CARMIL3: variants seen among roughly 807,000 people sequenced by gnomAD.
The protein encoded by CARMIL3 is capping protein regulator and myosin 1 linker 3.
Under a neutral mutation model 180.8 loss-of-function variants are expected in CARMIL3, and 88 were observed. The observed-to-expected ratio is 0.49, with a 90% CI of 0.41 to 0.58. CARMIL3 has a LOEUF of 0.58. Among genes scored for constraint, CARMIL3 ranks in the 20% least tolerant of loss-of-function variants. The pLI, the probability that CARMIL3 is intolerant of heterozygous loss-of-function variation, is 0.00. For missense variants in CARMIL3, 1,548 were observed against 1,787.0 expected (o/e 0.87, Z 2.41); for synonymous variants, 696 against 714.5 (o/e 0.97, Z 0.41).
intron 10 of CARMIL3, 115 bp from the exon 11 acceptor site, chr14:24,056,184 G>C: frequency 1.3e-6 from 1 of 788,694 alleles, no homozygotes; most frequent in Non-Finnish European, 2.1e-6. Flanking sequence ...CCCCTGTTGT[G>C]GGGGCCTCTG....
chr14:24,053,933 G>A (rs1671300305), intron 2 of CARMIL3, 130 bp downstream of exon 2: 1 of 1,145,554 alleles, frequency 8.7e-7, no homozygotes, highest in Non-Finnish European at 1.2e-6. Context: ...CCTGGGGGGA[G>A]GAGGCAGGGC....
chr14:24,064,834 G>A, intron 32 of CARMIL3, 124 bp from the exon 33 acceptor site: 1 of 997,086 alleles, frequency 1.0e-6, no homozygotes, highest in East Asian at 2.5e-5. Flanking sequence ...TCATCTCCCT[G>A]AGAACTAAGT....
chr14:24,052,139 G>T lies in CARMIL3; in HGVS notation c.-15G>T. The T allele has an allele frequency of 6.4e-7, 1 of 1,572,926 alleles. No homozygotes were observed. ...CGGCGGCTCCTCTGCAGCAGCCTCA[G>T]CAGCAGCGGCCGCCATGGCCAAGCC... On this transcript the variant is annotated 5_prime_UTR_variant, in exon 1 of 40. Coordinates refer to ENST00000342740, the MANE Select transcript of CARMIL3 (RefSeq NM_138360.4).
In CARMIL3 at chr14:24,061,459, C is replaced by T; in HGVS notation, c.2305-38C>T. 1.3e-6 allele frequency: 2 copies of T among 1,591,548 alleles called. No homozygotes were observed. The highest frequency in any genetic ancestry group is 1.7e-6 in the Non-Finnish European group (2 of 1,166,728). ...GCTGTGGTGCCAGCCCTGATCCTGT[C>T]CCCCTTGGGCCTCTGGCCTCCCTTT... On this transcript the variant is annotated intron_variant, in intron 26 of 39. Transcript: ENST00000342740. The surrounding 1 kb of genome is among the most constrained non-coding windows in gnomAD (Gnocchi z 4.1).
chr14:24,065,957 CT>C (rs2035783048), intron 34 of CARMIL3, among the ~76,000 whole-genome samples: 2 of 152,160 alleles, frequency 1.3e-5, no homozygotes, highest in Admixed American at 1.3e-4. Flanking sequence ...TCCTTCTTTA[CT>C]GTAAAATGAG....
At position 24,056,288 on chromosome 14, in the gene CARMIL3, C is replaced by G. The variant is rs774145517; in HGVS notation, c.771-11C>G. On this transcript the variant is annotated splice_polypyrimidine_tract_variant and intron_variant, in intron 10 of 39. Transcript: ENST00000342740. ...CAGCTCAGGACAAATCCTTCCTCCCCTTCCCTGAAGGGACTTTGTCCAGAA... is the reference window on the plus strand; with the variant it reads ...CAGCTCAGGACAAATCCTTCCTCCCGTTCCCTGAAGGGACTTTGTCCAGAA... The G allele has an allele frequency of 5.0e-5, 80 of 1,611,460 alleles. No individual in the cohort carries two copies. The highest frequency in any genetic ancestry group is 6.8e-5 in the Non-Finnish European group (80 of 1,178,142).
At chr14:24,060,594 G>T in intron 24 of CARMIL3, 34 bp from the exon 25 acceptor site, 1 of 1,609,222 alleles carries the variant, frequency 6.2e-7, no homozygotes, top group Non-Finnish European at 8.5e-7. Context: ...GTGGAAGCAG[G>T]GGTCCCCTTG....
intron 39 of CARMIL3, 30 bp downstream of exon 39, chr14:24,069,277 T>A (rs1351187734): frequency 1.2e-6 from 2 of 1,612,232 alleles, no homozygotes; most frequent in Non-Finnish European, 1.7e-6. Flanking sequence ...AGGTCCCCCC[T>A]TCCCACCTAT....
At chr14:24,066,717 GA>G (rs1373571338) in intron 36 of CARMIL3, 61 bp downstream of exon 36, 6 of 1,558,318 alleles carry the variant, frequency 3.9e-6, no homozygotes, top group Non-Finnish European at 3.5e-6. Flanking sequence ...CAAAGAAACA[GA>G]AGCCCATGGC....
At position 24,053,815 on chromosome 14, in the gene CARMIL3, G is replaced by A; in HGVS notation, c.135+12G>A. The A allele has an allele frequency of 6.2e-7, 1 of 1,603,310 alleles. No individual in the cohort carries two copies. The highest frequency in any genetic ancestry group is 8.5e-7 in the Non-Finnish European group (1 of 1,173,402). On this transcript the variant is annotated intron_variant, in intron 2 of 39. Transcript: ENST00000342740. ...AGGACCGAGTGCTGGTGAGGGCACT[G>A]GGCATGTGGGGAGGGAGGAGGTGGC...
At chr14:24,064,106 A>G (rs570888842) in intron 31 of CARMIL3, 140 bp from the exon 32 acceptor site, 46 of 599,058 alleles carry the variant, frequency 7.7e-5, no homozygotes, top group East Asian at 6.2e-4. Flanking sequence ...AAAAAAAAAA[A>G]AAAAAGAAAA....
intron 32 of CARMIL3, 94 bp from the exon 33 acceptor site, chr14:24,064,864 C>T (rs2035768805): frequency 4.6e-6 from 6 of 1,297,308 alleles, no homozygotes; most frequent in Non-Finnish European, 6.5e-6. Context: ...TGCAGTGCAG[C>T]AGGGGAGACC....
At position 24,058,072 on chromosome 14, in the gene CARMIL3, G is replaced by A. The variant is rs976919359; in HGVS notation, c.1322+8G>A. On this transcript the variant is annotated splice_region_variant and intron_variant, in intron 16 of 39. Coordinates refer to ENST00000342740, the MANE Select transcript of CARMIL3 (RefSeq NM_138360.4). The surrounding 1 kb of genome is among the most constrained non-coding windows in gnomAD (Gnocchi z 6.4). ...GCCCCTGGAGGCCCTCAGGTCGGGT[G>A]GGTGCAGGGTTGGGGGCGCATCCAA... The A allele has an allele frequency of 6.2e-7, 1 of 1,613,732 alleles. No individual in the cohort carries two copies. The highest frequency in any genetic ancestry group is 8.5e-7 in the Non-Finnish European group (1 of 1,180,032).
chr14:24,061,549 T>C lies in CARMIL3; in HGVS notation c.2357T>C (p.Met786Thr). The C allele has an allele frequency of 1.2e-6, 2 of 1,614,062 alleles. No individual in the cohort carries two copies. Among genetic ancestry groups the C allele is most frequent in the Non-Finnish European group, 1.7e-6 (2 of 1,179,990 alleles). The change falls in exon 27 of 40, where the codon ATG becomes ACG. Residue 786 changes from methionine (M) to threonine (T), a missense_variant. By Grantham distance (81) the Met-to-Thr change is moderately conservative (BLOSUM62 -1). Coordinates refer to ENST00000342740, the MANE Select transcript of CARMIL3 (RefSeq NM_138360.4). The surrounding 1 kb of genome is among the most constrained non-coding windows in gnomAD (Gnocchi z 4.1). ...SLTQELCPVA[M>T]RVAEGHNKML... ...ACACAGGAGTTATGCCCTGTGGCCA[T>C]GCGGGTGGCCGAGGGACACAACAAG...
At chr14:24,057,681 A>G in intron 14 of CARMIL3, 122 bp from the exon 15 acceptor site, 2 of 821,638 alleles carry the variant, frequency 2.4e-6, no homozygotes, top group Admixed American at 2.5e-5. Context: ...AGTGGAGCTC[A>G]CACAGGCTGA....
In CARMIL3 at chr14:24,061,227, C is replaced by A. The variant is rs760716016; in HGVS notation, c.2304+187C>A. The stretch of plus-strand genomic sequence containing the variant: ...TCAGGCTTGGATTTTTTTCTGCTAG[C>A]TTTGATGTTGGTCCCTGAACTCTGA... On this transcript the variant is annotated intron_variant, in intron 26 of 39. Transcript: ENST00000342740. The surrounding 1 kb of genome is among the most constrained non-coding windows in gnomAD (Gnocchi z 4.1). The A allele has an allele frequency of 1.9e-5, 12 of 645,274 alleles. No individual in the cohort carries two copies. The highest frequency in any genetic ancestry group is 3.2e-5 in the Non-Finnish European group (12 of 377,242). 40.0% of individuals were successfully genotyped at this position (645,274 alleles called of 1,614,324 possible).
intron 32 of CARMIL3, among the ~76,000 whole-genome samples, chr14:24,064,586 G>A (rs1273904467): frequency 6.6e-6 from 1 of 152,180 alleles, no homozygotes; most frequent in African/African-American, 2.4e-5. Flanking sequence ...GGGTTGGAGA[G>A]CAGGTGTGGA....
At chr14:24,052,643 C>T (rs1051853700) in intron 1 of CARMIL3, among the ~76,000 whole-genome samples, 2 of 152,244 alleles carry the variant, frequency 1.3e-5, no homozygotes, top group Non-Finnish European at 2.9e-5. Context: ...CCGGAACTGG[C>T]CCTGAAGAGC....
At chr14:24,067,086 A>G (rs1000843039) in intron 36 of CARMIL3, among the ~76,000 whole-genome samples, 2 of 152,198 alleles carry the variant, frequency 1.3e-5, no homozygotes, top group African/African-American at 4.8e-5. Flanking sequence ...GAAGTCGTTT[A>G]TCAACTCACC....
Sources: gnomAD v4.1 joint callset for allele counts (sites outside exome capture counted in the v4.1 genomes callset) on GRCh38, gnomAD v4.1.1 for gene constraint, Gnocchi (gnomAD v3.1) non-coding constraint, MANE v1.5 for transcripts, NCBI Gene and HGNC (gene_info 2026-07-23, HGNC 2026-07-21) for gene names.